The following THRAP3 variants were observed in gnomAD, a reference collection of about 807,000 sequenced individuals.
The protein encoded by THRAP3 is thyroid hormone receptor associated protein 3, also known as thyroid hormone receptor-associated protein 3.
THRAP3 carries 16 observed loss-of-function variants against 101.0 expected under a neutral mutation model. The observed-to-expected ratio is 0.16, with a 90% CI of 0.11 to 0.24. THRAP3 has a LOEUF of 0.24. Among genes scored for constraint, THRAP3 ranks in the 10% least tolerant of loss-of-function variants. THRAP3 has a pLI of 1.00. For missense variants in THRAP3, 989 were observed against 1,202.7 expected, an observed-to-expected ratio of 0.82 and a Z score of 2.63; for synonymous variants, 407 against 422.6, an observed-to-expected ratio of 0.96 and a Z score of 0.45.
At chr1:36,218,741 A>C in the THRAP3 span, among the ~76,000 whole-genome samples, 4 of 151,472 alleles carry the variant, frequency 2.6e-5, no homozygotes, top group Non-Finnish European at 5.9e-5. Flanking sequence ...GGAAATTAAA[A>C]GTGCAACTCC....
chr1:36,282,393 A>C (rs1458347058), intron 2 of THRAP3, 140 bp from the exon 3 acceptor site: 1 of 632,596 alleles, frequency 1.6e-6, no homozygotes, highest in African/African-American at 1.9e-5. Flanking sequence ...TAATTAAAAA[A>C]AAATTTTTTT....
upstream of THRAP3, among the ~76,000 whole-genome samples, chr1:36,220,972 A>AAAAAAAAAATATATATATATAT (rs1285765741): frequency 1.1e-5 from 1 of 94,146 alleles, no homozygotes; most frequent in African/African-American, 4.7e-5. Context: ...AAAAAAAAAA[A>AAAAAAAAAATATATATATATAT]ATATATATAT....
chr1:36,219,340 T>C, the THRAP3 span, among the ~76,000 whole-genome samples: 1 of 152,350 alleles, frequency 6.6e-6, no homozygotes, highest in Admixed American at 6.5e-5. Context: ...CAGCAAGTGC[T>C]GATGTAGAAA....
intron 2 of THRAP3, among the ~76,000 whole-genome samples, chr1:36,262,948 A>C (rs1175859099): frequency 7.1e-6 from 1 of 140,368 alleles, no homozygotes; most frequent in Non-Finnish European, 1.5e-5. Context: ...GCCCGCCACC[A>C]GGGCCGGCTA....
intron 2 of THRAP3, among the ~76,000 whole-genome samples, chr1:36,278,602 CTG>C (rs1227626639): frequency 6.6e-6 from 1 of 152,120 alleles, no homozygotes; most frequent in Non-Finnish European, 1.5e-5. Context: ...AGAATTATAT[CTG>C]AAATCAATTC....
Position 36,252,873 on chromosome 1 carries a change from C to CG in THRAP3, c.-134-6508dup, listed in dbSNP as rs1447409497. Among the ~76,000 whole-genome samples, 3 of 148,126 alleles carry CG rather than the reference C, an allele frequency of 2.0e-5. No individual in the cohort carries two copies. The South Asian group carries it at 6.4e-4, about 32-fold the overall frequency. ...ACTGAGCCAAGACCATGCCACTGCACGCCAGCCTGGGTGACAGAGTGAGAC... is the reference window on the plus strand; with the variant it reads ...ACTGAGCCAAGACCATGCCACTGCACGGCCAGCCTGGGTGACAGAGTGAGAC... On this transcript the variant is annotated intron_variant, in intron 1 of 11. Coordinates refer to ENST00000354618, the MANE Select transcript of THRAP3 (RefSeq NM_005119.4).
At chr1:36,270,573 TTTTG>T (rs764811247) in intron 2 of THRAP3, among the ~76,000 whole-genome samples, 2,055 of 8,868 alleles carry the variant, frequency 0.23, 112 homozygotes, top group East Asian at 0.39. Flanking sequence ...TTGTTTAGGT[TTTTG>T]TTTTTTTTTT....
chr1:36,248,028 C>T (rs945978959), intron 1 of THRAP3, among the ~76,000 whole-genome samples: 4 of 151,728 alleles, frequency 2.6e-5, no homozygotes, highest in East Asian at 1.9e-4. Flanking sequence ...TACAGGCACA[C>T]GCCACCATGC....
chr1:36,300,451 G>GT (rs1423814202), intron 9 of THRAP3, among the ~76,000 whole-genome samples: 1 of 152,208 alleles, frequency 6.6e-6, no homozygotes, highest in Non-Finnish European at 1.5e-5. Flanking sequence ...TGTAAGACAG[G>GT]TAGCATTCCT....
Position 36,286,689 on chromosome 1 carries a change from G to T in THRAP3, c.459G>T (p.Arg153=), listed in dbSNP as rs770825757. ...ACTCTGATAAGTCGTCTTCTGACCG[G>T]TCAAGGCGCTCCTCATCCTCCCGTT... ...SRNSDKSSSD[R]SRRSSSSRSS... is the part of the protein sequence containing the mutation. The change falls in exon 4 of 12, where the codon CGG becomes CGT. Residue 153 remains arginine, a synonymous_variant. Transcript: ENST00000354618. This position sits in a 1 kb window ranked among gnomAD's most constrained non-coding sequence, Gnocchi z 5.5. 7.4e-6 allele frequency: 12 copies of T among 1,614,058 alleles called. No homozygotes were observed. Among genetic ancestry groups the T allele is most frequent in the East Asian group, 4.5e-5 (2 of 44,892 alleles).
intron 1 of THRAP3, among the ~76,000 whole-genome samples, chr1:36,229,549 A>G (rs1645002798): frequency 2.0e-5 from 3 of 151,948 alleles, no homozygotes; most frequent in South Asian, 4.1e-4. Context: ...GGTGAGTCCA[A>G]TTTGACAAAA....
At chr1:36,213,948 AAAG>A in the THRAP3 span, among the ~76,000 whole-genome samples, 2 of 127,980 alleles carry the variant, frequency 1.6e-5, no homozygotes, top group Admixed American at 7.4e-5. Context: ...AGAAAGAAAG[AAAG>A]AAAGAAAGAA....
chr1:36,271,591 C>CTTTTTTTTTTTTTTTTT, intron 2 of THRAP3, among the ~76,000 whole-genome samples: 1 of 60,136 alleles, frequency 1.7e-5, no homozygotes, highest in Non-Finnish European at 3.2e-5. Context: ...TTTTTCTTAT[C>CTTTTTTTTTTTTTTTTT]TTTTTTTTTT....
Position 36,287,100 on chromosome 1 carries a change from T to G in THRAP3, c.870T>G (p.Gly290=). 1 of 1,614,118 alleles carries G rather than the reference T, an allele frequency of 6.2e-7. No individual in the cohort carries two copies. Among genetic ancestry groups the G allele is most frequent in the Non-Finnish European group, 8.5e-7 (1 of 1,180,028 alleles). Residue 290 remains glycine (G), a synonymous_variant, in exon 4 of 12, where the codon GGT becomes GGG. Coordinates refer to ENST00000354618, the MANE Select transcript of THRAP3 (RefSeq NM_005119.4). The part of the protein sequence containing the change: ...TSQMGSTLPS[G]AGYQSGTHQG... ...AGATGGGCTCAACTCTGCCGAGTGG[T>G]GCCGGGTATCAGTCTGGGACACACC...
rs981104735 is a variant in THRAP3 at position 36,301,024 on chromosome 1, G to A, written c.2442G>A (p.Leu814=). 1 of 1,614,176 alleles carries A rather than the reference G, an allele frequency of 6.2e-7. No homozygotes were observed. The highest frequency in any genetic ancestry group is 1.7e-5 in the Admixed American group (1 of 60,020). ...CCACGGGCTTTGACAAATCAAGACT[G>A]GGGACCAAAGACTTTGTGGGTCCAA... ...ESTTGFDKSR[L]GTKDFVGPSE... The change falls in exon 10 of 12, where the codon CTG becomes CTA. Residue 814 remains leucine, a synonymous_variant. Transcript: ENST00000354618.
chr1:36,235,495 C>T (rs1033023579), intron 1 of THRAP3, among the ~76,000 whole-genome samples: 4 of 151,848 alleles, frequency 2.6e-5, no homozygotes, highest in African/African-American at 7.3e-5. Flanking sequence ...ATTGGTTGAC[C>T]ATTTTGAAAA....
At chr1:36,300,057 C>T (rs1217178709) in intron 9 of THRAP3, among the ~76,000 whole-genome samples, 1 of 152,142 alleles carries the variant, frequency 6.6e-6, no homozygotes, top group Non-Finnish European at 1.5e-5. Flanking sequence ...CTTGCTGCCC[C>T]CTAGAGGTAT....
At position 36,291,528 on chromosome 1, in the gene THRAP3, A is replaced by G; in HGVS notation, c.1900A>G (p.Ile634Val). The change falls in exon 6 of 12, where the codon ATT (isoleucine) becomes GTT (valine). Residue 634 changes from isoleucine to valine, a missense_variant. Coordinates refer to ENST00000354618, the MANE Select transcript of THRAP3 (RefSeq NM_005119.4). ...SELFAQHIVTIVHHVKEHHFG... is the reference protein window; with the variant it reads ...SELFAQHIVTVVHHVKEHHFG... Reference sequence around the variant, plus strand: ...ACTGTTTGCCCAACATATAGTGACCATTGTTCACCATGTTAAAGGTGAGTC... The same window carrying G: ...ACTGTTTGCCCAACATATAGTGACCGTTGTTCACCATGTTAAAGGTGAGTC... The G allele has an allele frequency of 6.2e-7, 1 of 1,614,130 alleles. No individual in the cohort carries two copies. Among genetic ancestry groups the G allele is most frequent in the Non-Finnish European group, 8.5e-7 (1 of 1,180,024 alleles).
At chr1:36,243,566 GAAC>G (rs930743259) in intron 1 of THRAP3, among the ~76,000 whole-genome samples, 1 of 152,184 alleles carries the variant, frequency 6.6e-6, no homozygotes, top group African/African-American at 2.4e-5. Flanking sequence ...TCTTAGCACA[GAAC>G]AAAATGAAAA....
Sources: allele counts gnomAD v4.1 joint callset (sites outside exome capture counted in the v4.1 genomes callset), GRCh38; gene constraint gnomAD v4.1.1; non-coding constraint Gnocchi (gnomAD v3.1); transcripts MANE v1.5; gene names NCBI Gene and HGNC (gene_info 2026-07-23, HGNC 2026-07-21).